The following GSTA2 variants were observed in gnomAD, a reference collection of about 807,000 sequenced individuals.
The protein encoded by GSTA2 is glutathione S-transferase A2.
Under a neutral mutation model 22.4 loss-of-function variants are expected in GSTA2, and 27 were observed. That is an observed-to-expected ratio of 1.21 (90% CI 0.89 to 1.67). GSTA2 has a LOEUF of 1.67. Ranked by LOEUF, GSTA2 falls within the 40% of genes most tolerant of loss-of-function variation. GSTA2 has a pLI of 0.00. For missense variants in GSTA2, 302 were observed against 260.2 expected (o/e 1.16, Z -1.11); for synonymous variants, 121 against 86.8 (o/e 1.39, Z -2.19).
intron 1 of GSTA2, among the ~76,000 whole-genome samples, chr6:52,758,560 T>C (rs1201382348): frequency 3.3e-5 from 5 of 152,186 alleles, no homozygotes; most frequent in African/African-American, 4.8e-5. Context: ...CCAGAGGATG[T>C]CACTGACAGG....
intron 1 of GSTA2, among the ~76,000 whole-genome samples, chr6:52,760,610 G>T (rs112132077): frequency 0.018 from 2,730 of 152,260 alleles, 85 homozygotes; most frequent in African/African-American, 0.061. Context: ...GGGTCAGCCT[G>T]AACTTCTGAT....
rs983690897 is a variant in GSTA2, at chr6:52,755,749, G to A, written c.139+509C>T. 9.2e-5 allele frequency among the ~76,000 whole-genome samples: 14 copies of A among 151,474 alleles called. 1 individual carries two copies. The highest frequency in any genetic ancestry group is 3.4e-4 in the African/African-American group (14 of 40,798). On this transcript the variant is annotated intron_variant, in intron 3 of 6. Coordinates refer to ENST00000493422, the MANE Select transcript of GSTA2 (RefSeq NM_000846.5). ...AGGATGTTCCCAGAGTAAGTCTCAT[G>A]GTGTTTATGATATTTAAGGCAGGTT...
chr6:52,756,454 A>G (rs1581774689), intron 2 of GSTA2, 145 bp from the exon 3 acceptor site: 1 of 623,812 alleles, frequency 1.6e-6, no homozygotes, highest in Non-Finnish European at 2.9e-6. Flanking sequence ...AGTCATGGCC[A>G]TTTGGAAATT....
At chr6:52,758,970 T>C (rs1346178699) in intron 1 of GSTA2, among the ~76,000 whole-genome samples, 1 of 152,220 alleles carries the variant, frequency 6.6e-6, no homozygotes, top group African/African-American at 2.4e-5. Context: ...GAGTAAATGA[T>C]AGATCTGGGA....
Position 52,750,385 on chromosome 6 carries a change from A to G in GSTA2, c.*192T>C. 1 of 492,168 alleles carries G rather than the reference A, an allele frequency of 2.0e-6. No individual in the cohort carries two copies. Among genetic ancestry groups the G allele is most frequent in the Non-Finnish European group, 3.5e-6 (1 of 287,386 alleles). 30.5% of individuals were successfully genotyped at this position (492,168 alleles called of 1,614,324 possible). On this transcript the variant is annotated 3_prime_UTR_variant, in exon 7 of 7. Coordinates refer to ENST00000493422, the MANE Select transcript of GSTA2 (RefSeq NM_000846.5). ...GAGGAGATTGGAAAACTGAATTCAC[A>G]TCAGATCCTAATGAGAAGAAATCAA... is the stretch of plus-strand genomic sequence containing the variant.
intron 2 of GSTA2, among the ~76,000 whole-genome samples, chr6:52,757,491 C>A (rs1191630379): frequency 6.6e-6 from 1 of 151,442 alleles, no homozygotes; most frequent in Non-Finnish European, 1.5e-5. Flanking sequence ...CTAAAGACAG[C>A]CATAGTACAT....
intron 4 of GSTA2, 88 bp from the exon 5 acceptor site, chr6:52,753,083 T>G: frequency 7.5e-7 from 1 of 1,325,126 alleles, no homozygotes; most frequent in Non-Finnish European, 1.0e-6. Context: ...GAGTATCAGG[T>G]GATGGCAAAA....
At chr6:52,754,222 A>T in intron 4 of GSTA2, among the ~76,000 whole-genome samples, 1 of 152,058 alleles carries the variant, frequency 6.6e-6, no homozygotes, top group East Asian at 1.9e-4. Flanking sequence ...TGTATTTTCG[A>T]TTGTTTGGGG....
intron 1 of GSTA2, among the ~76,000 whole-genome samples, chr6:52,760,898 A>G (rs1356996632): frequency 6.6e-6 from 1 of 152,156 alleles, no homozygotes; most frequent in Admixed American, 6.5e-5. Flanking sequence ...TCAATAATTA[A>G]TTTACATCAA....
At chr6:52,759,532 T>C (rs1208157479) in intron 1 of GSTA2, among the ~76,000 whole-genome samples, 1 of 144,302 alleles carries the variant, frequency 6.9e-6, no homozygotes, top group Non-Finnish European at 1.5e-5. Flanking sequence ...AACAAAAATA[T>C]ACTTGCCTTT....
chr6:52,751,541 T>A, intron 6 of GSTA2, 36 bp downstream of exon 6: 1 of 1,613,266 alleles, frequency 6.2e-7, no homozygotes, highest in Non-Finnish European at 8.5e-7. Flanking sequence ...ATGGGAGATG[T>A]GGGTCTGCCT....
intron 1 of GSTA2, among the ~76,000 whole-genome samples, chr6:52,759,337 C>T (rs1011653747): frequency 1.3e-5 from 2 of 151,980 alleles, no homozygotes; most frequent in Non-Finnish European, 2.9e-5. Context: ...AGAATGAAAA[C>T]CAGTGGCTGC....
chr6:52,750,287 A>G lies in GSTA2; in HGVS notation c.*290T>C, dbSNP rs1216947198. 3.8e-6 allele frequency: 1 copy of G among 264,236 alleles called. No homozygotes were observed. The highest frequency in any genetic ancestry group is 2.3e-5 in the African/African-American group (1 of 44,382). The allele number at this position is 264,236 out of a possible 1,614,324, so 16.4% of individuals were successfully genotyped here. ...GTATGTTACAGGGCAATTCTTGGAA[A>G]AGTCAAACAAACCACATAATTTATA... On this transcript the variant is annotated 3_prime_UTR_variant, in exon 7 of 7. Transcript: ENST00000493422.
At chr6:52,752,748 G>T in intron 5 of GSTA2, 106 bp downstream of exon 5, 1 of 1,412,298 alleles carries the variant, frequency 7.1e-7, no homozygotes, top group Non-Finnish European at 1.0e-6. Context: ...TTGGTGTCCA[G>T]GAAGTATCAC....
At chr6:52,755,711 T>C (rs1762829864) in intron 3 of GSTA2, among the ~76,000 whole-genome samples, 1 of 151,894 alleles carries the variant, frequency 6.6e-6, no homozygotes, top group Non-Finnish European at 1.5e-5. Flanking sequence ...GGCAACAAGA[T>C]GTCATTTAAA....
chr6:52,759,071 G>T (rs1762902914), intron 1 of GSTA2, among the ~76,000 whole-genome samples: 1 of 152,208 alleles, frequency 6.6e-6, no homozygotes, highest in South Asian at 2.1e-4. Context: ...TCAGCAGATT[G>T]TGAAATCCCA....
Position 52,757,944 on chromosome 6 carries a change from C to T in GSTA2, c.4G>A (p.Ala2Thr). 4 of 1,611,874 alleles carry T rather than the reference C, an allele frequency of 2.5e-6. No individual in the cohort carries two copies. The highest frequency in any genetic ancestry group is 3.4e-6 in the Non-Finnish European group (4 of 1,178,102). The change falls in exon 2 of 7, where the codon GCA becomes ACA. Residue 2 changes from alanine (A) to threonine (T), a missense_variant. Physicochemically the swap from Ala to Thr is moderately conservative, Grantham distance 58. Coordinates refer to ENST00000493422, the MANE Select transcript of GSTA2 (RefSeq NM_000846.5). ...GAGTAGTGGAGCTTGGGCTTCTCTG[C>T]CATGGTAGCAGTCTCCTGGAGGTTT... M[A>T]EKPKLHYSNI... is the part of the protein sequence containing the mutation.
At chr6:52,755,901 C>T (rs1256355679) in intron 3 of GSTA2, among the ~76,000 whole-genome samples, 1 of 152,166 alleles carries the variant, frequency 6.6e-6, no homozygotes, top group Non-Finnish European at 1.5e-5. Context: ...TCTATTCCTC[C>T]TCCTTTTGTC....
At chr6:52,756,591 G>A (rs930996779) in intron 2 of GSTA2, among the ~76,000 whole-genome samples, 4 of 152,272 alleles carry the variant, frequency 2.6e-5, no homozygotes, top group South Asian at 2.1e-4. Flanking sequence ...GACATCACTG[G>A]AGAAAAGGCA....
Sources: allele counts gnomAD v4.1 joint callset (sites outside exome capture counted in the v4.1 genomes callset), GRCh38; gene constraint gnomAD v4.1.1; transcripts MANE v1.5; gene names NCBI Gene and HGNC (gene_info 2026-07-23, HGNC 2026-07-21).